Variants in TRPM3 observed in about 807,000 individuals in gnomAD.
TRPM3 encodes the protein long transient receptor potential channel 3.
A neutral mutation model predicts 181.2 loss-of-function variants in TRPM3; 77 were observed. The ratio of observed to expected loss-of-function variants is 0.42; its 90% CI spans 0.35 to 0.51. The LOEUF is 0.51. Among genes scored for constraint, TRPM3 ranks in the 20% least tolerant of loss-of-function variants. The pLI, the probability that TRPM3 is intolerant of heterozygous loss-of-function variation, is 0.01. For missense variants in TRPM3, 1,759 were observed against 2,196.7 expected, an observed-to-expected ratio of 0.80 and a Z score of 3.98; for synonymous variants, 745 against 796.4, an observed-to-expected ratio of 0.94 and a Z score of 1.09.
intron 1 of TRPM3, among the ~76,000 whole-genome samples, chr9:71,270,059 T>C (rs2083675171): frequency 6.6e-6 from 1 of 152,198 alleles, no homozygotes; most frequent in Non-Finnish European, 1.5e-5. Context: ...TGTATTTTTG[T>C]TCAATATGTA....
At chr9:71,009,170 C>A (rs1036294362) in intron 1 of TRPM3, among the ~76,000 whole-genome samples, 7 of 152,106 alleles carry the variant, frequency 4.6e-5, no homozygotes, top group Non-Finnish European at 8.8e-5. Context: ...ACAAGGGTAT[C>A]CACTTTCATC....
intron 1 of TRPM3, chr9:70,865,558 G>A (rs1378670366): frequency 6.6e-6 from 1 of 152,074 alleles, no homozygotes; most frequent in East Asian, 1.9e-4. Context: ...TCTCAATGGT[G>A]TTAACTGTTA....
intron 1 of TRPM3, among the ~76,000 whole-genome samples, chr9:70,894,156 A>C (rs1319493033): frequency 9.2e-5 from 14 of 152,218 alleles, no homozygotes; most frequent in Admixed American, 9.2e-4. Context: ...TTGAGCTACA[A>C]AGATGCAAGG....
intron 1 of TRPM3, among the ~76,000 whole-genome samples, chr9:71,334,354 A>G (rs2090415755): frequency 6.6e-6 from 1 of 151,858 alleles, no homozygotes; most frequent in East Asian, 1.9e-4. Flanking sequence ...GTGAAAGACT[A>G]TACTGTGGTT....
chr9:71,162,909 C>T (rs911486186), intron 1 of TRPM3, among the ~76,000 whole-genome samples: 4 of 152,044 alleles, frequency 2.6e-5, no homozygotes, highest in African/African-American at 9.7e-5. Flanking sequence ...GAAGAGGTTT[C>T]TTATGGGAGG....
rs755518567 is a variant in TRPM3 at position 70,863,063 on chromosome 9, T to C, written c.307A>G (p.Ile103Val). The part of the protein sequence containing the change: ...IGQHVGLTPS[I>V]SVLQNEKNES... The stretch of plus-strand genomic sequence containing the variant: ...TTTTTCTCATTCTGAAGCACGGAGA[T>C]ACTGGGGGTGAGGCCAACATGCTGG... The change falls in exon 3 of 26, where the codon ATC (isoleucine) becomes GTC (valine). Residue 103 changes from isoleucine (I) to valine (V), a missense_variant. Ile to Val is a conservative substitution (Grantham distance 29). Coordinates refer to ENST00000677713, the MANE Select transcript of TRPM3 (RefSeq NM_001366145.2). The C allele has an allele frequency of 3.1e-6, 5 of 1,613,462 alleles. No individual in the cohort carries two copies. The highest frequency in any genetic ancestry group is 3.3e-5 in the Admixed American group (2 of 59,954).
intron 1 of TRPM3, among the ~76,000 whole-genome samples, chr9:71,264,101 C>T (rs1346409097): frequency 6.6e-6 from 1 of 152,160 alleles, no homozygotes; most frequent in Non-Finnish European, 1.5e-5. Context: ...CCACTCTCAC[C>T]TATTCTTATT....
chr9:71,204,007 A>G (rs896811165), intron 1 of TRPM3, among the ~76,000 whole-genome samples: 3 of 152,106 alleles, frequency 2.0e-5, no homozygotes, highest in Admixed American at 1.3e-4. Context: ...CTGGCTAGCC[A>G]TATGTAGAAA....
intron 1 of TRPM3, among the ~76,000 whole-genome samples, chr9:71,349,948 T>A (rs186573539): frequency 2.7e-5 from 4 of 148,196 alleles, no homozygotes. Flanking sequence ...TCCATCATAA[T>A]AATGATCTCA....
At chr9:71,308,806 TGGGAATGAGA>T (rs2087632457) in intron 1 of TRPM3, among the ~76,000 whole-genome samples, 1 of 152,116 alleles carries the variant, frequency 6.6e-6, no homozygotes, top group Non-Finnish European at 1.5e-5. Flanking sequence ...TGCCAATCTT[TGGGAATGAGA>T]TTATGACAAC....
chr9:71,358,073 A>G (rs1400071730), intron 1 of TRPM3, among the ~76,000 whole-genome samples: 2 of 152,168 alleles, frequency 1.3e-5, no homozygotes, highest in African/African-American at 2.4e-5. Flanking sequence ...AGAACACAAT[A>G]ATTTCTCAAA....
In TRPM3 at chr9:70,610,737, G is replaced by A. The variant is rs777039638; in HGVS notation, c.2539C>T (p.Arg847Ter). 2.5e-6 allele frequency: 4 copies of A among 1,613,990 alleles called. No individual in the cohort carries two copies. Among genetic ancestry groups the A allele is most frequent in the Non-Finnish European group, 1.7e-6 (2 of 1,179,966 alleles). The change falls in exon 19 of 26, where the codon CGA becomes TGA. Residue 847 changes from arginine (R) to a stop codon, truncating the protein, a stop_gained. Transcript: ENST00000677713. LOFTEE classifies it high-confidence loss of function. ...EDMELTAMLG[R>*]NNGESSRKKD... ...TTCCTGGAGGACTCCCCGTTGTTTC[G>A]TCCCAACATTGCCTATGTTGGAAGA... is the stretch of plus-strand genomic sequence containing the variant.
intron 1 of TRPM3, among the ~76,000 whole-genome samples, chr9:71,252,846 TC>T (rs1319239902): frequency 3.7e-5 from 3 of 81,180 alleles, no homozygotes; most frequent in South Asian, 1.0e-3. Flanking sequence ...TAATTTTGTC[TC>T]TTTTTTTTTT....
chr9:71,275,773 A>G (rs1326520056), intron 1 of TRPM3, among the ~76,000 whole-genome samples: 1 of 152,210 alleles, frequency 6.6e-6, no homozygotes, highest in Non-Finnish European at 1.5e-5. Flanking sequence ...GAGAGCCCCA[A>G]AATAGAATGA....
intron 1 of TRPM3, among the ~76,000 whole-genome samples, chr9:71,318,550 C>A (rs1168072200): frequency 1.3e-5 from 2 of 152,082 alleles, no homozygotes; most frequent in Admixed American, 6.6e-5. Flanking sequence ...AGGAAGGAGA[C>A]CCTCTGTTAT....
chr9:70,972,979 G>A (rs2097262022), intron 1 of TRPM3, among the ~76,000 whole-genome samples: 2 of 152,074 alleles, frequency 1.3e-5, no homozygotes, highest in Admixed American at 1.3e-4. Flanking sequence ...TATGATATCT[G>A]TATAATGCCT....
At chr9:71,420,371 G>A (rs1481335559) in intron 1 of TRPM3, among the ~76,000 whole-genome samples, 2 of 151,816 alleles carry the variant, frequency 1.3e-5, no homozygotes, top group Non-Finnish European at 2.9e-5. Flanking sequence ...ATAATGTTTG[G>A]GGGAAATGTG....
At chr9:70,925,845 T>A (rs964716831) in intron 1 of TRPM3, among the ~76,000 whole-genome samples, 3 of 151,956 alleles carry the variant, frequency 2.0e-5, no homozygotes, top group East Asian at 1.9e-4. Flanking sequence ...GATGAGAACA[T>A]CCTCTTTCCT....
intron 1 of TRPM3, among the ~76,000 whole-genome samples, chr9:71,299,733 T>C (rs1405206311): frequency 6.6e-6 from 1 of 152,134 alleles, no homozygotes; most frequent in Non-Finnish European, 1.5e-5. Flanking sequence ...TTGTATCTTA[T>C]TTTCTGTTGG....
Sources: allele counts gnomAD v4.1 joint callset (sites outside exome capture counted in the v4.1 genomes callset), GRCh38; gene constraint gnomAD v4.1.1; transcripts MANE v1.5; gene names NCBI Gene and HGNC (gene_info 2026-07-23, HGNC 2026-07-21).